Variants in AP2B1 observed in about 807,000 individuals in gnomAD.
The protein encoded by AP2B1 is AP-2 complex subunit beta.
In AP2B1, 23 loss-of-function variants were observed where a neutral mutation model predicts 102.0. That is an observed-to-expected ratio of 0.23 (90% CI 0.16 to 0.32). The LOEUF is 0.32. Ranked by LOEUF, AP2B1 falls within the 10% of genes least tolerant of loss-of-function variation. The pLI is 1.00. For missense variants in AP2B1, 541 were observed against 1,157.4 expected, an observed-to-expected ratio of 0.47 and a Z score of 7.73; for synonymous variants, 381 against 421.2, an observed-to-expected ratio of 0.90 and a Z score of 1.17.
chr17:35,708,189 GAGAA>G (rs782646031), intron 18 of AP2B1, among the ~76,000 whole-genome samples: 8 of 152,178 alleles, frequency 5.3e-5, no homozygotes, highest in Non-Finnish European at 1.0e-4. Context: ...AGAGCAAAAT[GAGAA>G]AGAAACAGGT....
At chr17:35,596,729 G>A (rs1291622918) in intron 2 of AP2B1, among the ~76,000 whole-genome samples, 1 of 152,064 alleles carries the variant, frequency 6.6e-6, no homozygotes, top group African/African-American at 2.4e-5. Context: ...AGCCCACGGC[G>A]GCGCACACCC....
At position 35,725,220 on chromosome 17, in the gene AP2B1, C is replaced by T. The variant is rs1316535836; in HGVS notation, c.*1521C>T. 2.0e-5 allele frequency: 3 copies of T among 152,206 alleles called. No homozygotes were observed. The highest frequency in any genetic ancestry group is 4.4e-5 in the Non-Finnish European group (3 of 68,060). The allele number at this position is 152,206 out of a possible 1,614,324, so 9.4% of individuals were successfully genotyped here. ...GAATGCTTCATGCCCAAAATACCAG[C>T]CTGTTTAGCAGTGTTACACTGTTTG... On this transcript the variant is annotated 3_prime_UTR_variant, in exon 22 of 22. Coordinates refer to ENST00000610402, the MANE Select transcript of AP2B1 (RefSeq NM_001030006.2).
chr17:35,633,759 C>A (rs563462454), intron 9 of AP2B1, among the ~76,000 whole-genome samples: 1 of 152,158 alleles, frequency 6.6e-6, no homozygotes, highest in African/African-American at 2.4e-5. Flanking sequence ...CAGCAACTAA[C>A]AATAATTCTT....
At chr17:35,610,947 T>C (rs1598029609) in intron 5 of AP2B1, among the ~76,000 whole-genome samples, 1 of 151,176 alleles carries the variant, frequency 6.6e-6, no homozygotes. Flanking sequence ...TGGTGGTGCA[T>C]GCCTGTAATT....
In AP2B1 at chr17:35,717,147, G is replaced by T. The variant is rs587604894; in HGVS notation, c.2627-48G>T. ...GGATGTGAGAAGAGAGTGTACATTT[G>T]TTTGAGATTTTAACTGAAGGTGTTG... On this transcript the variant is annotated intron_variant, in intron 20 of 21. Coordinates refer to ENST00000610402, the MANE Select transcript of AP2B1 (RefSeq NM_001030006.2). The T allele has an allele frequency of 4.4e-6, 7 of 1,600,496 alleles. No individual in the cohort carries two copies. In the African/African-American group the frequency reaches 8.0e-5, roughly 18 times the overall value.
chr17:35,698,466 T>C (rs1237260275), intron 18 of AP2B1, among the ~76,000 whole-genome samples: 1 of 152,194 alleles, frequency 6.6e-6, no homozygotes, highest in Non-Finnish European at 1.5e-5. Context: ...TGCACCACCA[T>C]GCCTGGCTAA....
chr17:35,709,177 C>T, intron 18 of AP2B1, 47 bp from the exon 19 acceptor site: 1 of 1,530,146 alleles, frequency 6.5e-7, no homozygotes, highest in South Asian at 1.1e-5. Flanking sequence ...TTCCTCCTAC[C>T]TGGCTCCCTG....
At chr17:35,702,051 A>AG (rs1449180906) in intron 18 of AP2B1, among the ~76,000 whole-genome samples, 1 of 152,250 alleles carries the variant, frequency 6.6e-6, no homozygotes, top group Non-Finnish European at 1.5e-5. Context: ...AACTGAGAAT[A>AG]TTGTGACAAA....
intron 5 of AP2B1, chr17:35,621,291 ATTTAT>A (rs1188215139): frequency 7.1e-6 from 7 of 985,100 alleles, no homozygotes; most frequent in Middle Eastern, 5.2e-4. Context: ...AGTGCGACTG[ATTTAT>A]TTTAAGTTTT....
Position 35,650,711 on chromosome 17 carries a change from T to G in AP2B1, c.1718T>G (p.Val573Gly). ...LICHIGSLAS[V>G]YHKPPNAFVE... Reference sequence around the variant, plus strand: ...TGCCACATTGGTTCTTTGGCCTCTGTGTATCATAAGCCTCCCAATGCTTTT... The same window carrying G: ...TGCCACATTGGTTCTTTGGCCTCTGGGTATCATAAGCCTCCCAATGCTTTT... Residue 573 changes from valine to glycine, a missense_variant, in exon 13 of 22, where the codon GTG becomes GGG. By Grantham distance (109) the Val-to-Gly change is moderately radical. This residue lies in a region of AP2B1 where 106 missense variants were observed against 296.4 expected (regional missense o/e 0.36). Transcript: ENST00000610402. 1 of 1,614,192 alleles carries G rather than the reference T, an allele frequency of 6.2e-7. No individual in the cohort carries two copies. The highest frequency in any genetic ancestry group is 8.5e-7 in the Non-Finnish European group (1 of 1,180,028).
intron 5 of AP2B1, among the ~76,000 whole-genome samples, 169 bp from the exon 6 acceptor site, chr17:35,624,228 G>C (rs961729076): frequency 6.6e-6 from 1 of 152,122 alleles, no homozygotes; most frequent in Non-Finnish European, 1.5e-5. Flanking sequence ...ATCATTGGTG[G>C]TTTAATATAT....
intron 21 of AP2B1, among the ~76,000 whole-genome samples, chr17:35,719,007 T>C (rs1438671838): frequency 6.6e-6 from 1 of 152,124 alleles, no homozygotes; most frequent in African/African-American, 2.4e-5. Flanking sequence ...TGAGAAGAGC[T>C]TCTTAGTATC....
intron 18 of AP2B1, among the ~76,000 whole-genome samples, chr17:35,703,870 A>G (rs1461358725): frequency 2.0e-5 from 3 of 152,334 alleles, no homozygotes; most frequent in Middle Eastern, 6.8e-3. Context: ...TGAGCAACCT[A>G]TTATCCAAGT....
At chr17:35,669,614 T>A (rs2075544012) in intron 14 of AP2B1, among the ~76,000 whole-genome samples, 1 of 152,252 alleles carries the variant, frequency 6.6e-6, no homozygotes, top group Non-Finnish European at 1.5e-5. Flanking sequence ...GGTTATTTTC[T>A]TTCATGGTTT....
chr17:35,605,619 G>C, intron 3 of AP2B1, 86 bp from the exon 4 acceptor site: 1 of 890,478 alleles, frequency 1.1e-6, no homozygotes, highest in Non-Finnish European at 1.8e-6. Context: ...TCAAATCACT[G>C]TTAGTTAAGG....
chr17:35,697,694 G>A (rs1457611826), intron 18 of AP2B1, among the ~76,000 whole-genome samples: 1 of 152,242 alleles, frequency 6.6e-6, no homozygotes, highest in African/African-American at 2.4e-5. Flanking sequence ...TGGGCACGGT[G>A]GCTCACGCCT....
chr17:35,720,545 T>TTTTATATATATATATATATATATATATA (rs1402145369), intron 21 of AP2B1, among the ~76,000 whole-genome samples: 4 of 54,352 alleles, frequency 7.4e-5, no homozygotes, highest in African/African-American at 3.3e-4. Flanking sequence ...TTTATTTTAT[T>TTTTATATATATATATATATATATATATA]TATATATATA....
Position 35,631,102 on chromosome 17 carries a change from G to C in AP2B1, c.1155+3376G>C, listed in dbSNP as rs373778543. 7.9e-5 allele frequency among the ~76,000 whole-genome samples: 12 copies of C among 152,082 alleles called. No individual in the cohort carries two copies. In the East Asian group the frequency reaches 9.6e-4, roughly 12 times the overall value. Reference sequence around the variant, plus strand: ...ATAGCACTGAAAAAGCAATCCTATGGTGCTATTTTTTTGTTCAATAACTTT... The same window carrying C: ...ATAGCACTGAAAAAGCAATCCTATGCTGCTATTTTTTTGTTCAATAACTTT... On this transcript the variant is annotated intron_variant, in intron 9 of 21. Transcript: ENST00000610402.
At chr17:35,685,468 A>G (rs922835408) in intron 18 of AP2B1, among the ~76,000 whole-genome samples, 1 of 152,222 alleles carries the variant, frequency 6.6e-6, no homozygotes, top group East Asian at 1.9e-4. Context: ...ATATTTGTAT[A>G]ATGTTTAGAT....
Sources: gnomAD v4.1 joint callset for allele counts (sites outside exome capture counted in the v4.1 genomes callset) on GRCh38, gnomAD v4.1.1 for gene constraint, gnomAD v4.1.1 regional missense constraint, MANE v1.5 for transcripts, NCBI Gene and HGNC (gene_info 2026-07-23, HGNC 2026-07-21) for gene names.